Variants in MAN2A1 observed in about 807,000 individuals in gnomAD.
The protein encoded by MAN2A1 is mannosidase alpha class 2A member 1, also known as alpha-mannosidase 2.
In MAN2A1, 76 loss-of-function variants were observed where a neutral mutation model predicts 142.6. That is an observed-to-expected ratio of 0.53 (90% confidence interval 0.44 to 0.65). The LOEUF is 0.65. MAN2A1 is among the 30% of genes least tolerant of loss of function. MAN2A1 has a pLI of 0.00. For synonymous variants in MAN2A1, 559 were observed against 473.2 expected (o/e 1.18, Z -2.35); for missense variants, 1,311 against 1,365.1 (o/e 0.96, Z 0.62).
chr5:109,767,734 T>TC, intron 6 of MAN2A1, 26 bp downstream of exon 6: 1 of 1,596,282 alleles, frequency 6.3e-7, no homozygotes, highest in South Asian at 1.1e-5. Flanking sequence ...TGAAAGTTGA[T>TC]CCCATTTGGC....
chr5:109,812,696 C>A (rs2112714636), intron 12 of MAN2A1, among the ~76,000 whole-genome samples: 1 of 151,894 alleles, frequency 6.6e-6, no homozygotes, highest in Middle Eastern at 3.4e-3. Context: ...TGCCATTTGC[C>A]CCATCTTTAC....
In MAN2A1 at chr5:109,826,325, G is replaced by A. The variant is rs74475605; in HGVS notation, c.2566+2488G>A. 2.5e-3 allele frequency among the ~76,000 whole-genome samples: 383 copies of A among 152,228 alleles called. 2 individuals carry two copies. The highest frequency in any genetic ancestry group is 8.8e-3 in the African/African-American group (366 of 41,532). Reference sequence around the variant, plus strand: ...AATAAGTGTAATGCAAACTTAGAGCGCCTCACTGATGAGTTTTACAGTAGT... The same window carrying A: ...AATAAGTGTAATGCAAACTTAGAGCACCTCACTGATGAGTTTTACAGTAGT... On this transcript the variant is annotated intron_variant, in intron 16 of 21. Transcript: ENST00000261483.
chr5:109,745,699 A>G (rs1330953234), intron 4 of MAN2A1, among the ~76,000 whole-genome samples: 2 of 152,150 alleles, frequency 1.3e-5, no homozygotes, highest in Non-Finnish European at 2.9e-5. Context: ...GCTCACTGCA[A>G]CCTCAAACTC....
chr5:109,829,169 A>G (rs187084561), intron 16 of MAN2A1, among the ~76,000 whole-genome samples: 2 of 152,352 alleles, frequency 1.3e-5, no homozygotes, highest in East Asian at 1.9e-4. Flanking sequence ...AAATTTAACC[A>G]TGTCATTTCA....
intron 5 of MAN2A1, among the ~76,000 whole-genome samples, chr5:109,759,199 G>A (rs928012444): frequency 1.3e-5 from 2 of 152,060 alleles, no homozygotes; most frequent in Admixed American, 1.3e-4. Context: ...AGCAACATGG[G>A]ATGGCTTTCC....
chr5:109,697,849 G>C (rs1236042205), intron 1 of MAN2A1, among the ~76,000 whole-genome samples: 1 of 152,204 alleles, frequency 6.6e-6, no homozygotes, highest in Admixed American at 6.5e-5. Flanking sequence ...TTGGTTATTA[G>C]ATAAGCATTG....
Position 109,847,780 on chromosome 5 carries a change from C to A in MAN2A1, c.2966C>A (p.Ala989Asp). 1 of 1,557,408 alleles carries A rather than the reference C, an allele frequency of 6.4e-7. No individual in the cohort carries two copies. Among genetic ancestry groups the A allele is most frequent in the Non-Finnish European group, 8.7e-7 (1 of 1,152,488 alleles). ...CGAATACTACTAGAAAAAAGAAGTGCTGTTAATACGGTATGAAAAAATAAC... is the reference window on the plus strand; with the variant it reads ...CGAATACTACTAGAAAAAAGAAGTGATGTTAATACGGTATGAAAAAATAAC... ...LFRILLEKRSAVNTEEEKKSV... is the reference protein window; with the variant it reads ...LFRILLEKRSDVNTEEEKKSV... Residue 989 changes from alanine to aspartate, a missense_variant, in exon 19 of 22, where the codon GCT becomes GAT. Ala to Asp is a moderately radical substitution (Grantham distance 126). This residue lies in a region of MAN2A1 where 890 missense variants were observed against 920.5 expected (regional missense o/e 0.97). Coordinates refer to ENST00000261483, the MANE Select transcript of MAN2A1 (RefSeq NM_002372.4).
In MAN2A1 at chr5:109,855,291, C is replaced by G; in HGVS notation, c.3128C>G (p.Pro1043Arg). 2.5e-6 allele frequency: 4 copies of G among 1,600,352 alleles called. No homozygotes were observed. The highest frequency in any genetic ancestry group is 2.6e-6 in the Non-Finnish European group (3 of 1,175,618). ...TTCTCTCCATTACAGTCATCTTTGCCTTGTGACATTCATCTGGTTAATTTG... is the reference window on the plus strand; with the variant it reads ...TTCTCTCCATTACAGTCATCTTTGCGTTGTGACATTCATCTGGTTAATTTG... ...GEFSPLQSSL[P>R]CDIHLVNLRT... Residue 1043 changes from proline to arginine, a missense_variant, in exon 20 of 22, where the codon CCT (proline) becomes CGT (arginine). Pro to Arg is a moderately radical substitution (Grantham distance 103). Around this residue, in one of 3 missense-constraint regions of MAN2A1, gnomAD observed 890 missense variants for 920.5 expected, o/e 0.97. Transcript: ENST00000261483.
intron 4 of MAN2A1, among the ~76,000 whole-genome samples, chr5:109,734,793 A>G (rs1345479321): frequency 5.3e-5 from 8 of 152,112 alleles, no homozygotes; most frequent in South Asian, 2.1e-4. Context: ...ACTTCCAACT[A>G]TGTGGTCAAT....
At chr5:109,832,621 A>C (rs1424193310) in intron 16 of MAN2A1, among the ~76,000 whole-genome samples, 1 of 152,128 alleles carries the variant, frequency 6.6e-6, no homozygotes. Context: ...CTTTCCCCAC[A>C]CGTCCCCCCC....
chr5:109,774,100 G>A (rs1197501872), intron 7 of MAN2A1, among the ~76,000 whole-genome samples: 1 of 152,136 alleles, frequency 6.6e-6, no homozygotes, highest in Admixed American at 6.5e-5. Flanking sequence ...ATTGGTTAGA[G>A]TCCAGAGAAG....
At chr5:109,780,846 A>AT (rs1235227496) in intron 8 of MAN2A1, among the ~76,000 whole-genome samples, 2 of 152,120 alleles carry the variant, frequency 1.3e-5, no homozygotes, top group East Asian at 1.9e-4. Flanking sequence ...GAGTAAGTTC[A>AT]TTTTTTTAAA....
intron 12 of MAN2A1, among the ~76,000 whole-genome samples, chr5:109,805,842 G>A (rs1331157851): frequency 6.6e-6 from 1 of 152,214 alleles, no homozygotes; most frequent in African/African-American, 2.4e-5. Context: ...CAATAACCAA[G>A]TGTTTCCAGT....
chr5:109,785,198 C>T (rs1017379280), intron 10 of MAN2A1, among the ~76,000 whole-genome samples: 1 of 152,082 alleles, frequency 6.6e-6, no homozygotes, highest in East Asian at 1.9e-4. Flanking sequence ...CTATTTTCTT[C>T]TAAATAACAG....
At chr5:109,717,928 ACACGTATCTT>A (rs1384295194) in intron 3 of MAN2A1, among the ~76,000 whole-genome samples, 1 of 152,218 alleles carries the variant, frequency 6.6e-6, no homozygotes, top group Non-Finnish European at 1.5e-5. Context: ...CATATGAAAA[ACACGTATCTT>A]TGATTACTAG....
rs1381403539 is a variant in MAN2A1 at position 109,846,083 on chromosome 5, G to T, written c.2842+77G>T. 7 of 1,287,936 alleles carry T rather than the reference G, an allele frequency of 5.4e-6. No individual in the cohort carries two copies. In the East Asian group the frequency reaches 8.2e-5, roughly 15 times the overall value. The allele number at this position is 1,287,936 out of a possible 1,614,324, so 79.8% of individuals were successfully genotyped here. A position where few individuals can be genotyped will look rare whatever the true frequency, so the allele number is the denominator to read the frequency against. ...TATACTTTTTCTGTTGGTCAGATGT[G>T]GTATAATCTCTAGTTAAAACCTCCC... On this transcript the variant is annotated intron_variant, in intron 18 of 21. Coordinates refer to ENST00000261483, the MANE Select transcript of MAN2A1 (RefSeq NM_002372.4).
chr5:109,710,512 T>G (rs2112557807), intron 1 of MAN2A1, among the ~76,000 whole-genome samples: 1 of 152,048 alleles, frequency 6.6e-6, no homozygotes, highest in South Asian at 2.1e-4. Flanking sequence ...ATGTGGTATT[T>G]TTTTTTTTTT....
At chr5:109,820,785 C>T (rs1400187762) in intron 15 of MAN2A1, among the ~76,000 whole-genome samples, 1 of 152,036 alleles carries the variant, frequency 6.6e-6, no homozygotes, top group African/African-American at 2.4e-5. Flanking sequence ...CCTGGGTTGA[C>T]GGAGCAAGAC....
At chr5:109,736,308 AACC>A (rs1425938663) in intron 4 of MAN2A1, among the ~76,000 whole-genome samples, 2 of 152,146 alleles carry the variant, frequency 1.3e-5, no homozygotes, top group Admixed American at 6.6e-5. Context: ...TGTCTTGGAA[AACC>A]ACATAAGCAT....
Sources: allele counts gnomAD v4.1 joint callset (sites outside exome capture counted in the v4.1 genomes callset), GRCh38; gene constraint gnomAD v4.1.1; regional missense constraint gnomAD v4.1.1; transcripts MANE v1.5; gene names NCBI Gene and HGNC (gene_info 2026-07-23, HGNC 2026-07-21).